The following IHO1 variants were observed in gnomAD, a reference collection of about 807,000 sequenced individuals.
The protein encoded by IHO1 is interactor of HORMAD1 protein 1.
A neutral mutation model predicts 31.0 loss-of-function variants in IHO1; 13 were observed. The observed-to-expected ratio is 0.42, with a 90% CI of 0.27 to 0.67. The LOEUF (loss-of-function observed/expected upper bound fraction) is 0.67, where lower values mean the gene tolerates loss of function less well. Among genes scored for constraint, IHO1 ranks in the 30% least tolerant of loss-of-function variants. The pLI, the probability that IHO1 is intolerant of heterozygous loss-of-function variation, is 0.24. For missense variants in IHO1, 599 were observed against 687.5 expected (o/e 0.87, Z 1.44); for synonymous variants, 221 against 248.4 (o/e 0.89, Z 1.04).
At chr3:49,213,926 C>G (rs1369806186) in intron 2 of IHO1, 2 of 407,044 alleles carry the variant, frequency 4.9e-6, no homozygotes, top group Non-Finnish European at 1.0e-5. Context: ...CAAGCATGGC[C>G]AGAGTGGACG....
intron 2 of IHO1, 45 bp from the exon 3 acceptor site, chr3:49,236,503 C>A: frequency 7.2e-7 from 1 of 1,395,284 alleles, no homozygotes; most frequent in Admixed American, 1.9e-5. Context: ...TTCATTTGTT[C>A]AGGATATTTG....
intron 2 of IHO1, among the ~76,000 whole-genome samples, chr3:49,216,072 C>T (rs1407322584): frequency 6.6e-6 from 1 of 152,118 alleles, no homozygotes; most frequent in Non-Finnish European, 1.5e-5. Flanking sequence ...CTTTGGCTCA[C>T]AATATGTACT....
upstream of IHO1, among the ~76,000 whole-genome samples, chr3:49,195,659 A>G (rs1162207150): frequency 2.0e-5 from 3 of 151,980 alleles, no homozygotes; most frequent in Non-Finnish European, 4.4e-5. Context: ...GCTTGCAGTG[A>G]GCTGAGATCA....
chr3:49,230,681 A>T (rs767086027), intron 2 of IHO1, among the ~76,000 whole-genome samples: 1 of 152,194 alleles, frequency 6.6e-6, no homozygotes, highest in African/African-American at 2.4e-5. Flanking sequence ...TGGTTTATTT[A>T]TAGCTTCTGA....
At chr3:49,225,539 A>G (rs1244290446) in intron 2 of IHO1, among the ~76,000 whole-genome samples, 3 of 152,192 alleles carry the variant, frequency 2.0e-5, no homozygotes, top group Non-Finnish European at 4.4e-5. Context: ...CCAATGCCCA[A>G]ACTTCAGGGT....
At position 49,256,744 on chromosome 3, in the gene IHO1, T is replaced by C. The variant is rs1426665895; in HGVS notation, c.1247T>C (p.Met416Thr). 6.2e-7 allele frequency: 1 copy of C among 1,614,212 alleles called. No individual in the cohort carries two copies. Among genetic ancestry groups the C allele is most frequent in the East Asian group, 2.2e-5 (1 of 44,886 alleles). The change falls in exon 8 of 8, where the codon ATG becomes ACG. Residue 416 changes from methionine to threonine, a missense_variant. Coordinates refer to ENST00000452691, the MANE Select transcript of IHO1 (RefSeq NM_001135197.2). The surrounding 1 kb of genome is among the most constrained non-coding windows in gnomAD (Gnocchi z 4.6). ...NACQKYQAQS[M>T]FLCDPREHLV... Reference sequence around the variant, plus strand: ...TGCCAAAAATATCAAGCCCAAAGTATGTTTTTGTGTGACCCACGTGAACAT... The same window carrying C: ...TGCCAAAAATATCAAGCCCAAAGTACGTTTTTGTGTGACCCACGTGAACAT...
At chr3:49,198,000 T>C (rs900999980), upstream of IHO1, among the ~76,000 whole-genome samples, 1 of 152,230 alleles carries the variant, frequency 6.6e-6, no homozygotes, top group Non-Finnish European at 1.5e-5. Context: ...ACACCTCTGC[T>C]TTCTGTCACT....
intron 1 of IHO1, 138 bp from the exon 2 acceptor site, chr3:49,211,628 A>G: frequency 5.3e-6 from 2 of 377,822 alleles, no homozygotes; most frequent in South Asian, 7.2e-5. Context: ...CGTCTCAAAA[A>G]AAAAAAACAG....
chr3:49,234,497 T>A (rs952471471), intron 2 of IHO1, among the ~76,000 whole-genome samples: 1 of 152,014 alleles, frequency 6.6e-6, no homozygotes, highest in Non-Finnish European at 1.5e-5. Flanking sequence ...TCCCTTTTTA[T>A]AAGGACACCA....
At chr3:49,245,188 AT>A (rs146992633) in intron 6 of IHO1, 6,225 of 177,114 alleles carry the variant, frequency 0.035, no homozygotes, top group Middle Eastern at 0.064. Flanking sequence ...ATCATTCTCA[AT>A]TTTTTTTTTT....
intron 2 of IHO1, among the ~76,000 whole-genome samples, chr3:49,220,654 G>A (rs1211456341): frequency 1.3e-5 from 2 of 152,092 alleles, no homozygotes; most frequent in Admixed American, 1.3e-4. Flanking sequence ...GGATCATGAG[G>A]TCAGGAGATC....
chr3:49,246,300 G>GT (rs2046694530), intron 6 of IHO1, among the ~76,000 whole-genome samples: 1 of 151,704 alleles, frequency 6.6e-6, no homozygotes, highest in African/African-American at 2.4e-5. Flanking sequence ...ACATGATAGA[G>GT]TAAGTCATTT....
At chr3:49,219,521 C>G (rs540923434) in intron 2 of IHO1, among the ~76,000 whole-genome samples, 2 of 152,136 alleles carry the variant, frequency 1.3e-5, no homozygotes, top group African/African-American at 4.8e-5. Flanking sequence ...AAACTCTGTT[C>G]GGGGCTGTCA....
chr3:49,244,886 G>A, intron 6 of IHO1, 153 bp downstream of exon 6: 1 of 726,654 alleles, frequency 1.4e-6, no homozygotes. Flanking sequence ...GAGATGTGGA[G>A]CACACTGAGC....
At chr3:49,223,404 G>C (rs1285225363) in intron 2 of IHO1, among the ~76,000 whole-genome samples, 1 of 152,158 alleles carries the variant, frequency 6.6e-6, no homozygotes, top group Admixed American at 6.5e-5. Flanking sequence ...TTAAAAGCCT[G>C]ACCATTGGCC....
chr3:49,232,307 T>C (rs1290071353), intron 2 of IHO1, among the ~76,000 whole-genome samples: 2 of 152,206 alleles, frequency 1.3e-5, no homozygotes, highest in African/African-American at 2.4e-5. Context: ...ACACCCCATA[T>C]ACAATTGAAT....
chr3:49,203,071 T>A (rs577281363), intron 1 of IHO1, among the ~76,000 whole-genome samples: 5 of 152,056 alleles, frequency 3.3e-5, no homozygotes, highest in Admixed American at 1.3e-4. Context: ...TTCACCATGT[T>A]GCCCAGGTGG....
chr3:49,255,993 T>C, intron 7 of IHO1, 141 bp from the exon 8 acceptor site: 1 of 718,418 alleles, frequency 1.4e-6, no homozygotes, highest in Non-Finnish European at 2.3e-6. Context: ...CTCCCGAGTG[T>C]AATTGTGCTT....
intron 1 of IHO1, among the ~76,000 whole-genome samples, chr3:49,211,443 A>G (rs1426645191): frequency 3.3e-5 from 5 of 151,948 alleles, no homozygotes. Flanking sequence ...TTGTGTTTCT[A>G]TTTATTTACT....
Sources: gnomAD v4.1 joint callset for allele counts (sites outside exome capture counted in the v4.1 genomes callset) on GRCh38, gnomAD v4.1.1 for gene constraint, Gnocchi (gnomAD v3.1) non-coding constraint, MANE v1.5 for transcripts, NCBI Gene and HGNC (gene_info 2026-07-23, HGNC 2026-07-21) for gene names.